TEAD4: variants seen among roughly 807,000 people sequenced by gnomAD.
The protein encoded by TEAD4 is transcriptional enhancer factor TEF-3.
TEAD4 carries 36 observed loss-of-function variants against 52.4 expected under a neutral mutation model. The ratio of observed to expected loss-of-function variants is 0.69; its 90% confidence interval spans 0.53 to 0.91. TEAD4 has a LOEUF of 0.91. Among genes scored for constraint, TEAD4 ranks in the 40% least tolerant of loss-of-function variants. The pLI is 0.00. For synonymous variants in TEAD4, 220 were observed against 231.0 expected (o/e 0.95, Z 0.43); for missense variants, 508 against 583.9 (o/e 0.87, Z 1.34).
At chr12:3,011,553 G>A (rs1010383364) in intron 4 of TEAD4, among the ~76,000 whole-genome samples, 1 of 151,684 alleles carries the variant, frequency 6.6e-6, no homozygotes, top group Non-Finnish European at 1.5e-5. Context: ...TTTTCTTGGG[G>A]TCCCTGCTGC....
intron 3 of TEAD4, among the ~76,000 whole-genome samples, chr12:3,002,410 G>A (rs370167800): frequency 1.2e-4 from 19 of 152,320 alleles, no homozygotes; most frequent in African/African-American, 4.3e-4. Context: ...TTATGTTTGA[G>A]TTTTTGAGGA....
chr12:3,000,753 G>T (rs2153955846), intron 3 of TEAD4, among the ~76,000 whole-genome samples: 1 of 152,298 alleles, frequency 6.6e-6, no homozygotes, highest in Non-Finnish European at 1.5e-5. Flanking sequence ...GAGGATCTGG[G>T]CAAAGCACTG....
chr12:2,973,104 T>C (rs1487890676), intron 2 of TEAD4, among the ~76,000 whole-genome samples: 2 of 152,144 alleles, frequency 1.3e-5, no homozygotes, highest in African/African-American at 4.8e-5. Context: ...GTTACATAGC[T>C]CTTTGGGTCT....
chr12:2,962,164 G>A (rs1002501277), intron 2 of TEAD4, among the ~76,000 whole-genome samples: 14 of 148,448 alleles, frequency 9.4e-5, no homozygotes, highest in Admixed American at 5.4e-4. Context: ...TCGCTCTGTC[G>A]CCTAGGCAGT....
At chr12:3,015,201 T>A (rs189982509) in intron 5 of TEAD4, among the ~76,000 whole-genome samples, 22 of 152,290 alleles carry the variant, frequency 1.4e-4, no homozygotes, top group Admixed American at 1.0e-3. Flanking sequence ...AACAGTTCCC[T>A]ACTCCCCACC....
chr12:3,020,549 C>T (rs151066213), intron 8 of TEAD4, 85 bp from the exon 9 acceptor site: 29 of 1,419,590 alleles, frequency 2.0e-5, no homozygotes, highest in Admixed American at 7.9e-5. Flanking sequence ...CGGGTCTGTC[C>T]GAGGAGGCCT....
chr12:2,999,700 C>G (rs895888621), intron 3 of TEAD4, among the ~76,000 whole-genome samples: 3 of 151,976 alleles, frequency 2.0e-5, no homozygotes, highest in African/African-American at 7.3e-5. Context: ...ACAGCCAACG[C>G]TGGCCACCCT....
intron 2 of TEAD4, among the ~76,000 whole-genome samples, chr12:2,982,349 G>A (rs1438985505): frequency 6.6e-6 from 1 of 152,294 alleles, no homozygotes; most frequent in African/African-American, 2.4e-5. Flanking sequence ...GTAGCTTTTG[G>A]TTGGGGCTGA....
intron 3 of TEAD4, among the ~76,000 whole-genome samples, chr12:2,997,996 G>T (rs1451416907): frequency 1.3e-5 from 2 of 151,740 alleles, no homozygotes; most frequent in Non-Finnish European, 2.9e-5. Flanking sequence ...CCCCATTCTC[G>T]CCATCCTCCC....
At chr12:2,986,603 G>A (rs2098238718) in intron 2 of TEAD4, among the ~76,000 whole-genome samples, 1 of 151,130 alleles carries the variant, frequency 6.6e-6, no homozygotes, top group African/African-American at 2.4e-5. Flanking sequence ...CTGCACCACT[G>A]CACTCCAGCC....
At chr12:3,029,839 G>A (rs192853153) in intron 10 of TEAD4, among the ~76,000 whole-genome samples, 13 of 152,322 alleles carry the variant, frequency 8.5e-5, no homozygotes, top group African/African-American at 3.1e-4. Flanking sequence ...GGTGGGTTTC[G>A]CTTTAGGGTG....
At chr12:3,000,047 C>T (rs759307108) in intron 3 of TEAD4, among the ~76,000 whole-genome samples, 1 of 152,198 alleles carries the variant, frequency 6.6e-6, no homozygotes, top group South Asian at 2.1e-4. Context: ...CGTCAGTTCT[C>T]ATTAAGTGAC....
chr12:2,985,856 C>T (rs1414667369), intron 2 of TEAD4, among the ~76,000 whole-genome samples: 6 of 151,878 alleles, frequency 4.0e-5, no homozygotes, highest in Non-Finnish European at 8.8e-5. Flanking sequence ...GAGGCCGAGG[C>T]GGGTGGATCA....
intron 2 of TEAD4, among the ~76,000 whole-genome samples, chr12:2,966,413 C>T (rs1025856402): frequency 1.4e-5 from 2 of 141,044 alleles, no homozygotes; most frequent in Admixed American, 6.7e-5. Flanking sequence ...ATTTCTTTTT[C>T]TTTCTTTTTT....
chr12:2,976,508 G>A lies in TEAD4; in HGVS notation c.-30+16468G>A, dbSNP rs150944727. Among the ~76,000 whole-genome samples the A allele has an allele frequency of 2.8e-3, 422 of 152,266 alleles. 3 individuals carry two copies. The highest frequency in any genetic ancestry group is 0.014 in the Middle Eastern group (4 of 292). On this transcript the variant is annotated intron_variant, in intron 2 of 12. Transcript: ENST00000359864. Reference sequence around the variant, plus strand: ...ACCTGTTTCCAGGGGCCTCTGGGCCGGGCGCTGTTCTGGAACTAAACCTGT... The same window carrying A: ...ACCTGTTTCCAGGGGCCTCTGGGCCAGGCGCTGTTCTGGAACTAAACCTGT...
chr12:2,990,457 T>G (rs11062443), intron 2 of TEAD4, among the ~76,000 whole-genome samples: 12,562 of 122,882 alleles, frequency 0.1, 1,652 homozygotes, highest in African/African-American at 0.26. Context: ...CTAAGACAGA[T>G]AATCTTTTTT....
intron 10 of TEAD4, among the ~76,000 whole-genome samples, chr12:3,029,869 C>T (rs1374029142): frequency 1.3e-5 from 2 of 152,158 alleles, no homozygotes; most frequent in African/African-American, 4.8e-5. Context: ...GGGGAGCTAG[C>T]TGTTTTATTG....
At position 2,961,020 on chromosome 12, in the gene TEAD4, T is replaced by C. The variant is rs117330939; in HGVS notation, c.-30+980T>C. 1.6e-4 allele frequency among the ~76,000 whole-genome samples: 24 copies of C among 151,952 alleles called. No individual in the cohort carries two copies. The East Asian group carries it at 4.7e-3, about 29-fold the overall frequency. ...GCGAGGGTCTTGTGCTTGCCTGGAA[T>C]AGGTCAAAAAGCTGGTAGGAGGCTG... On this transcript the variant is annotated intron_variant, in intron 2 of 12. Transcript: ENST00000359864.
chr12:3,004,992 C>G (rs1191859053), intron 3 of TEAD4, among the ~76,000 whole-genome samples: 1 of 152,182 alleles, frequency 6.6e-6, no homozygotes, highest in Non-Finnish European at 1.5e-5. Flanking sequence ...CACAACGAGG[C>G]TGGAGGGTCT....
Sources: gnomAD v4.1 joint callset for allele counts (sites outside exome capture counted in the v4.1 genomes callset) on GRCh38, gnomAD v4.1.1 for gene constraint, MANE v1.5 for transcripts, NCBI Gene and HGNC (gene_info 2026-07-23, HGNC 2026-07-21) for gene names.